The following IKBKB-DT variants were observed in gnomAD, a reference collection of about 807,000 sequenced individuals.
IKBKB-DT encodes the protein IKBKB divergent transcript.
chr8:42,266,682 G>A (rs1807373588), intron 1 of IKBKB-DT, among the ~76,000 whole-genome samples: 1 of 152,080 alleles, frequency 6.6e-6, no homozygotes, highest in African/African-American at 2.4e-5. Flanking sequence ...CAAGATATAG[G>A]TCATAAAGAC....
chr8:42,239,838 C>A (rs1011008324), intron 3 of IKBKB-DT, among the ~76,000 whole-genome samples: 1 of 151,064 alleles, frequency 6.6e-6, no homozygotes, highest in Admixed American at 6.6e-5. Flanking sequence ...GAGGTTTTGC[C>A]ATGTTGGCCA....
At chr8:42,236,803 C>G (rs1232740448) in intron 3 of IKBKB-DT, among the ~76,000 whole-genome samples, 1 of 152,060 alleles carries the variant, frequency 6.6e-6, no homozygotes, top group African/African-American at 2.4e-5. Flanking sequence ...ACTTAGTTAT[C>G]CATATAACCA....
intron 3 of IKBKB-DT, among the ~76,000 whole-genome samples, chr8:42,258,972 C>A (rs571869504): frequency 6.6e-6 from 1 of 152,060 alleles, no homozygotes; most frequent in African/African-American, 2.4e-5. Flanking sequence ...TATGAATATA[C>A]CATTTTATAA....
chr8:42,262,872 G>A (rs1807310228), intron 3 of IKBKB-DT, among the ~76,000 whole-genome samples: 1 of 152,044 alleles, frequency 6.6e-6, no homozygotes, highest in Admixed American at 6.6e-5. Context: ...CTGAGTAGCT[G>A]GGACTACAGG....
chr8:42,247,880 G>A lies in IKBKB-DT; in HGVS notation n.1530-14021C>T, dbSNP rs539327082. On this transcript the variant is annotated intron_variant and non_coding_transcript_variant, in intron 3 of 3. Transcript: ENST00000518213. ...GAGGCTAAGGCGGGTGGATCACAAG[G>A]TCAGGAGCTCAGGACCAGCCTGGCC... 1.2e-4 allele frequency among the ~76,000 whole-genome samples: 18 copies of A among 152,198 alleles called. 1 individual carries two copies. The highest frequency in any genetic ancestry group is 1.2e-3 in the Admixed American group (18 of 15,278).
intron 3 of IKBKB-DT, among the ~76,000 whole-genome samples, chr8:42,254,724 C>T (rs958642818): frequency 2.0e-5 from 3 of 148,244 alleles, no homozygotes; most frequent in South Asian, 4.3e-4. Context: ...GCACCACTGC[C>T]CAGCTTCCCA....
exon 1 of IKBKB-DT, chr8:42,271,222 G>A: frequency 6.3e-6 from 4 of 634,498 alleles, no homozygotes; most frequent in Non-Finnish European, 1.1e-5. Flanking sequence ...CGGGACAGGC[G>A]CAGCACTCGC....
At chr8:42,255,694 T>G (rs931486539) in intron 3 of IKBKB-DT, among the ~76,000 whole-genome samples, 1 of 152,172 alleles carries the variant, frequency 6.6e-6, no homozygotes, top group African/African-American at 2.4e-5. Flanking sequence ...ATTGTGTCCC[T>G]GTTATAAGGA....
In IKBKB-DT at chr8:42,248,808, C is replaced by T. The variant is rs543097516; in HGVS notation, n.1529+14521G>A. Among the ~76,000 whole-genome samples the T allele has an allele frequency of 8.2e-5, 12 of 146,114 alleles. No homozygotes were observed. In the East Asian group the frequency reaches 1.4e-3, roughly 17 times the overall value. ...GCAGAAATCAATTGAACCCAGGAGG[C>T]GGAGGTTACAGTGAGCTGAGATCGT... On this transcript the variant is annotated intron_variant and non_coding_transcript_variant, in intron 3 of 3. Transcript: ENST00000518213.
At chr8:42,268,054 T>C (rs1433867554) in intron 1 of IKBKB-DT, among the ~76,000 whole-genome samples, 3 of 152,064 alleles carry the variant, frequency 2.0e-5, no homozygotes, top group Non-Finnish European at 2.9e-5. Flanking sequence ...GATGACAGGA[T>C]TAAAGAGAAA....
intron 3 of IKBKB-DT, among the ~76,000 whole-genome samples, chr8:42,248,071 C>T (rs1030031707): frequency 7.4e-5 from 11 of 147,656 alleles, no homozygotes; most frequent in Admixed American, 3.5e-4. Context: ...CCAGCCTGGG[C>T]GACAGAGCAA....
rs144685682 is a variant in IKBKB-DT, at chr8:42,250,958, C to T, written n.1529+12371G>A. Among the ~76,000 whole-genome samples, 762 of 152,208 alleles carry T rather than the reference C, an allele frequency of 5.0e-3. 5 individuals are homozygous for T. The highest frequency in any genetic ancestry group is 0.017 in the African/African-American group (716 of 41,532). Reference sequence around the variant, plus strand: ...CTAGAGAAACAAATGGAGGGCTGCACGCAGTGGCTCACACCTGTAATCCCA... The same window carrying T: ...CTAGAGAAACAAATGGAGGGCTGCATGCAGTGGCTCACACCTGTAATCCCA... On this transcript the variant is annotated intron_variant and non_coding_transcript_variant, in intron 3 of 3. Coordinates refer to ENST00000518213, the Ensembl canonical transcript of IKBKB-DT.
intron 3 of IKBKB-DT, among the ~76,000 whole-genome samples, chr8:42,261,908 A>T (rs1807294327): frequency 6.6e-6 from 1 of 152,228 alleles, no homozygotes; most frequent in East Asian, 1.9e-4. Flanking sequence ...CCGACCTGGC[A>T]GTTGGTTGCC....
intron 3 of IKBKB-DT, among the ~76,000 whole-genome samples, chr8:42,242,150 G>A (rs1349147178): frequency 6.6e-6 from 1 of 152,114 alleles, no homozygotes; most frequent in African/African-American, 2.4e-5. Context: ...AGAAGGCAGA[G>A]GTTGCAGTGA....
chr8:42,250,511 T>C (rs1039260073), intron 3 of IKBKB-DT, among the ~76,000 whole-genome samples: 2 of 152,200 alleles, frequency 1.3e-5, no homozygotes, highest in Admixed American at 1.3e-4. Context: ...ATTAGGATTA[T>C]AAAGGCAGCT....
rs59420104 is a variant in IKBKB-DT at position 42,251,828 on chromosome 8, C to CAAAAAAAAAAAAAAAAAAAAAAAAAA, written n.1529+11500_1529+11501insTTTTTTTTTTTTTTTTTTTTTTTTTT. 1.6e-4 allele frequency among the ~76,000 whole-genome samples: 15 copies of CAAAAAAAAAAAAAAAAAAAAAAAAAA among 91,448 alleles called. 1 individual carries two copies. The highest frequency in any genetic ancestry group is 5.0e-4 in the African/African-American group (13 of 25,780). The allele number at this position is 91,448 out of a possible 152,430, so 60.0% of individuals were successfully genotyped here. A position where few individuals can be genotyped will look rare whatever the true frequency, so the allele number is the denominator to read the frequency against. Reference sequence around the variant, plus strand: ...TAGGCAATAGAGCAAGACTCCATCTCAAAAAAAAAAAAAAAGAAAAGAAAA... The same window carrying CAAAAAAAAAAAAAAAAAAAAAAAAAA: ...TAGGCAATAGAGCAAGACTCCATCTCAAAAAAAAAAAAAAAAAAAAAAAAAAAAAAAAAAAAAAAAAGAAAAGAAAA... On this transcript the variant is annotated intron_variant and non_coding_transcript_variant, in intron 3 of 3. Transcript: ENST00000518213.
intron 3 of IKBKB-DT, among the ~76,000 whole-genome samples, chr8:42,238,850 C>T (rs1026324404): frequency 1.3e-5 from 2 of 152,164 alleles, no homozygotes; most frequent in Admixed American, 6.5e-5. Context: ...AGCACCCATT[C>T]CCTAGCCCCT....
At chr8:42,240,098 G>C (rs906365330) in intron 3 of IKBKB-DT, among the ~76,000 whole-genome samples, 2 of 151,888 alleles carry the variant, frequency 1.3e-5, no homozygotes, top group South Asian at 2.1e-4. Context: ...AAATTTGCTT[G>C]TTCTGTACAT....
At chr8:42,238,831 C>T (rs1563274058) in intron 3 of IKBKB-DT, among the ~76,000 whole-genome samples, 1 of 152,162 alleles carries the variant, frequency 6.6e-6, no homozygotes, top group Admixed American at 6.5e-5. Context: ...TCATCCCCTA[C>T]CAATCATCAG....
Sources: allele counts gnomAD v4.1 joint callset (sites outside exome capture counted in the v4.1 genomes callset), GRCh38; gene constraint gnomAD v4.1.1; transcripts MANE v1.5; gene names NCBI Gene and HGNC (gene_info 2026-07-23, HGNC 2026-07-21).